The following DSCAM variants were observed in gnomAD, a reference collection of about 807,000 sequenced individuals.
DSCAM encodes DS cell adhesion molecule, also known as cell adhesion molecule DSCAM.
DSCAM carries 47 observed loss-of-function variants against 217.7 expected under a neutral mutation model. The ratio of observed to expected loss-of-function variants is 0.22; its 90% CI spans 0.17 to 0.28. The LOEUF (loss-of-function observed/expected upper bound fraction) is 0.28. DSCAM is among the 10% of genes least tolerant of loss of function. The pLI, the probability that DSCAM is intolerant of heterozygous loss-of-function variation, is 1.00. For synonymous variants in DSCAM, 1,056 were observed against 1,015.3 expected (o/e 1.04, Z -0.76); for missense variants, 2,080 against 2,618.3 (o/e 0.79, Z 4.49).
chr21:40,292,610 A>G (rs560992254), intron 10 of DSCAM, among the ~76,000 whole-genome samples: 2 of 152,296 alleles, frequency 1.3e-5, no homozygotes, highest in Admixed American at 6.5e-5. Context: ...TTGTCAATAC[A>G]TATTGAAAGT....
intron 20 of DSCAM, among the ~76,000 whole-genome samples, chr21:40,103,216 A>T (rs1196331145): frequency 1.3e-5 from 2 of 152,254 alleles, no homozygotes; most frequent in Non-Finnish European, 2.9e-5. Flanking sequence ...TTAATGAAAA[A>T]CTAATTCTAT....
At chr21:40,534,627 T>G (rs888002148) in intron 3 of DSCAM, among the ~76,000 whole-genome samples, 17 of 152,176 alleles carry the variant, frequency 1.1e-4, no homozygotes, top group Non-Finnish European at 4.4e-5. Flanking sequence ...TATGAACATA[T>G]TTCTTGAGCT....
At chr21:40,202,119 T>C (rs2091076189) in intron 11 of DSCAM, among the ~76,000 whole-genome samples, 1 of 152,174 alleles carries the variant, frequency 6.6e-6, no homozygotes. Context: ...ATGTGGCCTA[T>C]GGAGAGGACC....
In DSCAM at chr21:40,144,508, G is replaced by A; in HGVS notation, c.3242C>T (p.Thr1081Ile). Residue 1081 changes from threonine to isoleucine, a missense_variant, in exon 17 of 33, where the codon ACC (threonine) becomes ATC (isoleucine). This residue lies in a region of DSCAM where 1,144 missense variants were observed against 1,421.1 expected (regional missense o/e 0.81). Coordinates refer to ENST00000400454, the MANE Select transcript of DSCAM (RefSeq NM_001389.5). The surrounding 1 kb of genome is among the most constrained non-coding windows in gnomAD (Gnocchi z 4.8). ...GTGPSSQEII[T>I]TTLEDVPSYP... The stretch of plus-strand genomic sequence containing the variant: ...GAACCTACCATCCTCGAGAGTGGTG[G>A]TGATGATTTCCTGAGAAGAAGGCCC... The A allele has an allele frequency of 6.2e-7, 1 of 1,614,188 alleles. No homozygotes were observed. Among genetic ancestry groups the A allele is most frequent in the Admixed American group, 1.7e-5 (1 of 60,028 alleles).
At chr21:40,226,190 T>C (rs2091331403) in intron 11 of DSCAM, among the ~76,000 whole-genome samples, 1 of 152,158 alleles carries the variant, frequency 6.6e-6, no homozygotes, top group Admixed American at 6.5e-5. Flanking sequence ...TCAGAACCTG[T>C]GCTCTTGACT....
intron 3 of DSCAM, among the ~76,000 whole-genome samples, chr21:40,546,656 T>C (rs2076585326): frequency 6.6e-6 from 1 of 152,212 alleles, no homozygotes; most frequent in Non-Finnish European, 1.5e-5. Context: ...AGTTTTTTTA[T>C]ATTCCTTCGA....
rs184338292 is a variant in DSCAM, at chr21:40,208,184, G to A, written c.2357-18946C>T. On this transcript the variant is annotated intron_variant, in intron 11 of 32. Coordinates refer to ENST00000400454, the MANE Select transcript of DSCAM (RefSeq NM_001389.5). Reference sequence around the variant, plus strand: ...TTGAGCAGCACTGGCCAGGCATGGTGGCTCTTATCTGTAATCCCAGCACTT... The same window carrying A: ...TTGAGCAGCACTGGCCAGGCATGGTAGCTCTTATCTGTAATCCCAGCACTT... Among the ~76,000 whole-genome samples the A allele has an allele frequency of 1.0e-3, 155 of 152,302 alleles. 1 individual carries two copies. The highest frequency in any genetic ancestry group is 1.6e-3 in the Non-Finnish European group (110 of 68,036).
chr21:40,591,001 A>G (rs2076980112), intron 3 of DSCAM, among the ~76,000 whole-genome samples: 1 of 152,142 alleles, frequency 6.6e-6, no homozygotes, highest in Admixed American at 6.6e-5. Context: ...TATCCCCATA[A>G]TCCCCATGTG....
intron 3 of DSCAM, among the ~76,000 whole-genome samples, chr21:40,676,547 GTTTT>G (rs895867506): frequency 4.6e-5 from 7 of 152,064 alleles, no homozygotes; most frequent in Non-Finnish European, 8.8e-5. Context: ...TTGTTTGCTT[GTTTT>G]TTTGTTTTGT....
chr21:40,513,390 G>A (rs951819922), intron 3 of DSCAM: 3 of 152,220 alleles, frequency 2.0e-5, no homozygotes, highest in Non-Finnish European at 2.9e-5. Flanking sequence ...TGCTGTAAGG[G>A]AATACATGAG....
rs1028932614 is a variant in DSCAM, at chr21:40,620,008, AAAAAAG to A, written c.508+72796_508+72801del. ...AAGAAAGAGAGAGAGAAAGAGAGAG[AAAAAAG>A]AAAAAGAAAGAAAGAGAGAGAGAAA... On this transcript the variant is annotated intron_variant, in intron 3 of 32. Transcript: ENST00000400454. 5.0e-4 allele frequency among the ~76,000 whole-genome samples: 58 copies of A among 115,064 alleles called. 4 individuals carry two copies. Among genetic ancestry groups the A allele is most frequent in the African/African-American group, 2.0e-3 (54 of 26,730 alleles). 75.5% of individuals were successfully genotyped at this position (115,064 alleles called of 152,430 possible). A position where few individuals can be genotyped will look rare whatever the true frequency, so the allele number is the denominator to read the frequency against.
intron 3 of DSCAM, among the ~76,000 whole-genome samples, chr21:40,485,336 A>G (rs7409963): frequency 0.32 from 46,186 of 145,786 alleles, 7,156 homozygotes; most frequent in Middle Eastern, 0.41. Context: ...TCCGCCTCCC[A>G]GGTTCACGCC....
intron 27 of DSCAM, among the ~76,000 whole-genome samples, chr21:40,072,434 C>T (rs181509653): frequency 0.016 from 2,473 of 151,748 alleles, 68 homozygotes; most frequent in African/African-American, 0.056. Flanking sequence ...GCAAGCTCCG[C>T]CTCCCAGGTT....
At chr21:40,521,327 C>G (rs149783991) in intron 3 of DSCAM, among the ~76,000 whole-genome samples, 1 of 152,088 alleles carries the variant, frequency 6.6e-6, no homozygotes, top group Non-Finnish European at 1.5e-5. Flanking sequence ...TTTGAGAAAC[C>G]GCTATACTTT....
At chr21:40,303,771 T>C (rs556893313) in intron 9 of DSCAM, among the ~76,000 whole-genome samples, 2 of 152,316 alleles carry the variant, frequency 1.3e-5, no homozygotes, top group East Asian at 1.9e-4. Context: ...CCTTCTATGA[T>C]TTTCATTTTT....
chr21:40,716,938 A>G (rs1335037926), intron 1 of DSCAM, among the ~76,000 whole-genome samples: 1 of 152,244 alleles, frequency 6.6e-6, no homozygotes, highest in African/African-American at 2.4e-5. Flanking sequence ...CAACAGAAGC[A>G]TAAGTGATAG....
chr21:40,666,479 T>C (rs1317966284), intron 3 of DSCAM, among the ~76,000 whole-genome samples: 2 of 152,170 alleles, frequency 1.3e-5, no homozygotes, highest in Admixed American at 6.5e-5. Context: ...TGATAGAATT[T>C]TGCCACACAA....
chr21:40,181,632 T>C (rs762673159), intron 14 of DSCAM, among the ~76,000 whole-genome samples: 1 of 151,808 alleles, frequency 6.6e-6, no homozygotes, highest in Non-Finnish European at 1.5e-5. Flanking sequence ...GACCTCCACA[T>C]ACTCTCTGAA....
intron 3 of DSCAM, among the ~76,000 whole-genome samples, chr21:40,406,895 A>T (rs1179517278): frequency 6.6e-6 from 1 of 152,096 alleles, no homozygotes; most frequent in East Asian, 1.9e-4. Flanking sequence ...CTGGGATTAC[A>T]TATGTGAGCC....
Sources: allele counts gnomAD v4.1 joint callset (sites outside exome capture counted in the v4.1 genomes callset), GRCh38; gene constraint gnomAD v4.1.1; regional missense constraint gnomAD v4.1.1; non-coding constraint Gnocchi (gnomAD v3.1); transcripts MANE v1.5; gene names NCBI Gene and HGNC (gene_info 2026-07-23, HGNC 2026-07-21).